Variants in CASQ1 observed in about 807,000 individuals in gnomAD.
CASQ1 encodes calsequestrin-1.
Under a neutral mutation model 49.5 loss-of-function variants are expected in CASQ1, and 40 were observed. The ratio of observed to expected loss-of-function variants is 0.81; its 90% CI spans 0.63 to 1.05. CASQ1 has a LOEUF of 1.05. CASQ1 is among the 50% of genes least tolerant of loss of function. The pLI, the probability that CASQ1 is intolerant of heterozygous loss-of-function variation, is 0.00. For synonymous variants in CASQ1, 174 were observed against 187.2 expected, an observed-to-expected ratio of 0.93 and a Z score of 0.58; for missense variants, 469 against 486.9, an observed-to-expected ratio of 0.96 and a Z score of 0.35.
chr1:160,197,565 C>T lies in CASQ1; in HGVS notation c.783-4C>T, dbSNP rs748658706. The T allele has an allele frequency of 6.2e-7, 1 of 1,609,158 alleles. No homozygotes were observed. The highest frequency in any genetic ancestry group is 1.1e-5 in the South Asian group (1 of 90,978). ...AGTAATGACACTCTGTCTGTCTCTT[C>T]TAGATCAACCCTGAGGAAACTGAAG... On this transcript the variant is annotated splice_region_variant and splice_polypyrimidine_tract_variant and intron_variant, in intron 6 of 10. Transcript: ENST00000368078.
Position 160,190,967 on chromosome 1 carries a change from T to G in CASQ1, c.216T>G (p.His72Gln). The G allele has an allele frequency of 2.5e-6, 4 of 1,614,142 alleles. No individual in the cohort carries two copies. The highest frequency in any genetic ancestry group is 3.4e-6 in the Non-Finnish European group (4 of 1,180,016). ...KKYEVLALLY[H>Q]EPPEDDKASQ... Reference sequence around the variant, plus strand: ...ATGAGGTGCTGGCACTCCTCTACCATGAACCCCCCGAGGATGACAAGGCCT... The same window carrying G: ...ATGAGGTGCTGGCACTCCTCTACCAGGAACCCCCCGAGGATGACAAGGCCT... Residue 72 changes from histidine to glutamine, a missense_variant, in exon 1 of 11, where the codon CAT becomes CAG. Coordinates refer to ENST00000368078, the MANE Select transcript of CASQ1 (RefSeq NM_001231.5).
In CASQ1 at chr1:160,190,694, C is replaced by G. The variant is rs1654051598; in HGVS notation, c.-58C>G. ...CAGAATCTGGGACCCAGGGGCCCCT[C>G]CCTACCCCAGCTAACCTCTTCTGGA... On this transcript the variant is annotated 5_prime_UTR_variant, in exon 1 of 11. Coordinates refer to ENST00000368078, the MANE Select transcript of CASQ1 (RefSeq NM_001231.5). 1.0e-5 allele frequency: 16 copies of G among 1,559,964 alleles called. No homozygotes were observed. The highest frequency in any genetic ancestry group is 1.4e-5 in the Non-Finnish European group (16 of 1,148,056).
chr1:160,199,838 G>C lies in CASQ1; in HGVS notation c.985-13G>C. 1 of 1,588,446 alleles carries C rather than the reference G, an allele frequency of 6.3e-7. No homozygotes were observed. The highest frequency in any genetic ancestry group is 8.6e-7 in the Non-Finnish European group (1 of 1,156,534). ...AGTATCTATTAAGTTGCTGTATTTT[G>C]ATCTCTCTACAGCTGGTCCCATACT... On this transcript the variant is annotated splice_polypyrimidine_tract_variant and intron_variant, in intron 9 of 10. Transcript: ENST00000368078.
rs933549382 is a variant in CASQ1, at chr1:160,190,657, G to T, written c.-95G>T. The T allele has an allele frequency of 4.2e-6, 5 of 1,180,664 alleles. No individual in the cohort carries two copies. The highest frequency in any genetic ancestry group is 6.0e-6 in the Non-Finnish European group (5 of 838,082). The allele number at this position is 1,180,664 out of a possible 1,614,324, so 73.1% of individuals were successfully genotyped here. A position where few individuals can be genotyped will look rare whatever the true frequency, so the allele number is the denominator to read the frequency against. ...CATTCCCCAATCCCCCCTCCCACTT[G>T]AGCCCCTAACTCAGAATCTGGGACC... On this transcript the variant is annotated 5_prime_UTR_variant, in exon 1 of 11. Transcript: ENST00000368078.
Position 160,199,003 on chromosome 1 carries a change from G to A in CASQ1, c.934G>A (p.Glu312Lys). 6.2e-7 allele frequency: 1 copy of A among 1,613,694 alleles called. No individual in the cohort carries two copies. The highest frequency in any genetic ancestry group is 8.5e-7 in the Non-Finnish European group (1 of 1,179,606). ...CAAGGCTGTGGCCCAAGATAACACT[G>A]AAAACCCAGATCTTAGCATCATCTG... The part of the protein sequence containing the change: ...TLKAVAQDNT[E>K]NPDLSIIWID... The change falls in exon 9 of 11, where the codon GAA becomes AAA. Residue 312 changes from glutamate to lysine, a missense_variant. By Grantham distance (56) the Glu-to-Lys change is moderately conservative. Transcript: ENST00000368078.
At chr1:160,199,330 C>A (rs1393589835) in intron 9 of CASQ1, among the ~76,000 whole-genome samples, 1 of 152,110 alleles carries the variant, frequency 6.6e-6, no homozygotes, top group African/African-American at 2.4e-5. Context: ...TTGTGAGGCA[C>A]AATAGTCCTG....
At chr1:160,195,653 C>CCT in intron 5 of CASQ1, 119 bp downstream of exon 5, 1 of 613,312 alleles carries the variant, frequency 1.6e-6, no homozygotes, top group Non-Finnish European at 2.5e-6. Context: ...TCCCTACCTG[C>CCT]CCCCCCCCCC....
intron 2 of CASQ1, among the ~76,000 whole-genome samples, 168 bp from the exon 3 acceptor site, chr1:160,193,557 GGGGCAGAGACCTCAGGCCTGTC>G (rs1654129755): frequency 6.6e-6 from 1 of 152,106 alleles, no homozygotes; most frequent in Non-Finnish European, 1.5e-5. Flanking sequence ...GCTTAATCCA[GGGGCAGAGACCTCAGGCCTGTC>G]GGCCTCTGGG....
intron 2 of CASQ1, among the ~76,000 whole-genome samples, chr1:160,193,162 A>AG (rs1654118140): frequency 6.6e-6 from 1 of 152,100 alleles, no homozygotes; most frequent in Admixed American, 6.5e-5. Flanking sequence ...TAGGTGCTGG[A>AG]GGGAAGGGGA....
chr1:160,196,860 C>T (rs755816867), intron 6 of CASQ1, among the ~76,000 whole-genome samples: 2 of 152,130 alleles, frequency 1.3e-5, no homozygotes, highest in Non-Finnish European at 2.9e-5. Context: ...GGTTTTTGCC[C>T]TCCAAAGGAT....
chr1:160,199,123 G>A, intron 9 of CASQ1, 70 bp downstream of exon 9: 1 of 1,025,330 alleles, frequency 9.8e-7, no homozygotes, highest in Non-Finnish European at 1.6e-6. Flanking sequence ...CTTAGTGAGG[G>A]CTTTGTTTCA....
At chr1:160,194,360 A>G (rs1440934757) in intron 3 of CASQ1, among the ~76,000 whole-genome samples, 1 of 148,096 alleles carries the variant, frequency 6.8e-6, no homozygotes, top group Non-Finnish European at 1.5e-5. Flanking sequence ...CATCACACAT[A>G]TGCCACACAT....
intron 2 of CASQ1, among the ~76,000 whole-genome samples, chr1:160,193,423 A>C (rs1284037194): frequency 6.6e-6 from 1 of 152,112 alleles, no homozygotes; most frequent in African/African-American, 2.4e-5. Context: ...ACTCATCTCT[A>C]GTCGTTGCGG....
chr1:160,195,914 C>A lies in CASQ1; in HGVS notation c.669C>A (p.Thr223=), dbSNP rs1654213101. Residue 223 remains threonine (T), a synonymous_variant, in exon 6 of 11, where the codon ACC becomes ACA. Transcript: ENST00000368078. ...TCCCAAAGGTGGCAAAGAAGCTGAC[C>A]CTGAAGCTGAATGAGATTGATTTCT... ...TFDSKVAKKL[T]LKLNEIDFYE... 4 of 1,613,826 alleles carry A rather than the reference C, an allele frequency of 2.5e-6. No homozygotes were observed. Among genetic ancestry groups the A allele is most frequent in the Non-Finnish European group, 3.4e-6 (4 of 1,179,912 alleles).
At position 160,190,649 on chromosome 1, in the gene CASQ1, T is replaced by G; in HGVS notation, c.-103T>G. 1 of 1,070,934 alleles carries G rather than the reference T, an allele frequency of 9.3e-7. No individual in the cohort carries two copies. The highest frequency in any genetic ancestry group is 1.3e-6 in the Non-Finnish European group (1 of 745,272). 66.3% of individuals were successfully genotyped at this position (1,070,934 alleles called of 1,614,324 possible). On this transcript the variant is annotated 5_prime_UTR_variant, in exon 1 of 11. Coordinates refer to ENST00000368078, the MANE Select transcript of CASQ1 (RefSeq NM_001231.5). Reference sequence around the variant, plus strand: ...CTCTGGGCCATTCCCCAATCCCCCCTCCCACTTGAGCCCCTAACTCAGAAT... The same window carrying G: ...CTCTGGGCCATTCCCCAATCCCCCCGCCCACTTGAGCCCCTAACTCAGAAT...
chr1:160,190,822 T>A lies in CASQ1; in HGVS notation c.71T>A (p.Val24Glu), dbSNP rs1169695560. Residue 24 changes from valine (V) to glutamate (E), a missense_variant, in exon 1 of 11, where the codon GTG becomes GAG. Physicochemically the swap from Val to Glu is moderately radical, Grantham distance 121. Coordinates refer to ENST00000368078, the MANE Select transcript of CASQ1 (RefSeq NM_001231.5). ...CGGCTGGCACTGCTGTTGCTGCTGG[T>A]GCTAGGGACACCCAAGTCAGGGGTA... ...GLRLALLLLL[V>E]LGTPKSGVQG... The A allele has an allele frequency of 6.2e-7, 1 of 1,614,092 alleles. No individual in the cohort carries two copies. Among genetic ancestry groups the A allele is most frequent in the Non-Finnish European group, 8.5e-7 (1 of 1,179,998 alleles).
intron 7 of CASQ1, among the ~76,000 whole-genome samples, chr1:160,198,012 A>G (rs1172213297): frequency 2.0e-5 from 3 of 151,914 alleles, no homozygotes; most frequent in Admixed American, 1.3e-4. Flanking sequence ...CTCCGTCTCA[A>G]AAAAAAAGAA....
intron 3 of CASQ1, 108 bp downstream of exon 3, chr1:160,193,955 CAT>C (rs959132464): frequency 2.9e-5 from 20 of 678,700 alleles, no homozygotes; most frequent in African/African-American, 2.4e-4. Context: ...CACACACACA[CAT>C]ACACCACACG....
intron 10 of CASQ1, 118 bp downstream of exon 10, chr1:160,200,043 G>A: frequency 1.4e-6 from 1 of 727,634 alleles, no homozygotes; most frequent in East Asian, 2.6e-5. Context: ...GACATGCCCA[G>A]TCTAGTGGCT....
Sources: allele counts gnomAD v4.1 joint callset (sites outside exome capture counted in the v4.1 genomes callset), GRCh38; gene constraint gnomAD v4.1.1; transcripts MANE v1.5; gene names NCBI Gene and HGNC (gene_info 2026-07-23, HGNC 2026-07-21).